TENM3: variants seen among roughly 807,000 people sequenced by gnomAD.
TENM3 encodes the protein teneurin-3.
Under a neutral mutation model 255.1 loss-of-function variants are expected in TENM3, and 63 were observed. The ratio of observed to expected loss-of-function variants is 0.25; its 90% CI spans 0.20 to 0.30. The LOEUF (loss-of-function observed/expected upper bound fraction) is 0.30, where lower values mean the gene tolerates loss of function less well. TENM3 is among the 10% of genes least tolerant of loss of function. The pLI is 1.00. For missense variants in TENM3, 2,929 were observed against 3,461.1 expected (o/e 0.85, Z 3.86); for synonymous variants, 1,306 against 1,322.3 (o/e 0.99, Z 0.27).
At chr4:181,828,468 A>G in the TENM3 span, among the ~76,000 whole-genome samples, 10 of 152,376 alleles carry the variant, frequency 6.6e-5, no homozygotes, top group African/African-American at 2.4e-4. Context: ...AGTAGCCATT[A>G]TGATTCTATT....
Position 182,437,810 on chromosome 4 carries a change from A to T in TENM3, c.511+90881A>T, listed in dbSNP as rs576421437. Among the ~76,000 whole-genome samples the T allele has an allele frequency of 1.6e-3, 207 of 131,488 alleles. 1 individual carries two copies. Among genetic ancestry groups the T allele is most frequent in the African/African-American group, 3.4e-3 (134 of 39,936 alleles). 86.3% of individuals were successfully genotyped at this position (131,488 alleles called of 152,430 possible). ...GAGACTCCGTCTAAAAAAAAAAAAA[A>T]ATATCTGGGCGGGCACCTGTAGTCC... On this transcript the variant is annotated intron_variant, in intron 3 of 27. Coordinates refer to ENST00000511685, the MANE Select transcript of TENM3 (RefSeq NM_001080477.4).
chr4:182,733,959 A>C (rs955173642), intron 16 of TENM3, among the ~76,000 whole-genome samples: 4 of 152,220 alleles, frequency 2.6e-5, no homozygotes, highest in African/African-American at 9.6e-5. Flanking sequence ...GAATACATGG[A>C]GTCTTTTCTC....
intron 3 of TENM3, among the ~76,000 whole-genome samples, chr4:182,586,243 C>T (rs76792678): frequency 5.3e-5 from 8 of 152,166 alleles, no homozygotes; most frequent in East Asian, 1.9e-4. Flanking sequence ...GGCAACACAG[C>T]AAGACCCTCT....
At chr4:182,289,463 A>G (rs1760967843) in intron 1 of TENM3, among the ~76,000 whole-genome samples, 1 of 152,236 alleles carries the variant, frequency 6.6e-6, no homozygotes, top group South Asian at 2.1e-4. Context: ...CTCTGCAGGG[A>G]CACATGTATA....
At chr4:182,303,246 G>A (rs1199377368) in intron 1 of TENM3, among the ~76,000 whole-genome samples, 1 of 152,078 alleles carries the variant, frequency 6.6e-6, no homozygotes, top group Non-Finnish European at 1.5e-5. Context: ...GAAATGAATA[G>A]CTGAAATTAT....
chr4:181,507,733 T>C, the TENM3 span, among the ~76,000 whole-genome samples: 1 of 152,234 alleles, frequency 6.6e-6, no homozygotes, highest in Admixed American at 6.5e-5. Flanking sequence ...GATGCTCAAA[T>C]CGATTGTTTT....
chr4:182,377,010 C>T (rs924168709), intron 3 of TENM3, among the ~76,000 whole-genome samples: 19 of 152,108 alleles, frequency 1.2e-4, no homozygotes, highest in Admixed American at 2.0e-4. Flanking sequence ...CGGAATACTC[C>T]AGGTTTATGT....
the TENM3 span, among the ~76,000 whole-genome samples, chr4:181,708,414 A>G: frequency 2.6e-5 from 4 of 152,192 alleles, no homozygotes; most frequent in Non-Finnish European, 5.9e-5. Context: ...TTAATGTTTT[A>G]TATTAGAACG....
chr4:181,958,648 G>A, the TENM3 span, among the ~76,000 whole-genome samples: 2 of 152,040 alleles, frequency 1.3e-5, no homozygotes, highest in Non-Finnish European at 1.5e-5. Flanking sequence ...TGTCTCCCTT[G>A]ACCTCAAGCC....
At chr4:181,951,731 C>T in the TENM3 span, among the ~76,000 whole-genome samples, 1 of 152,204 alleles carries the variant, frequency 6.6e-6, no homozygotes, top group Non-Finnish European at 1.5e-5. Context: ...GTACATTTTT[C>T]TCATCAAACT....
chr4:182,714,314 CCAAAAAA>C, intron 13 of TENM3, 81 bp downstream of exon 13: 3 of 121,836 alleles, frequency 2.5e-5, no homozygotes, highest in South Asian at 6.1e-4. Flanking sequence ...ATATCTGTTG[CCAAAAAA>C]AAAAAAAAAA....
chr4:182,262,934 C>T (rs539149303), intron 1 of TENM3, among the ~76,000 whole-genome samples: 3 of 152,118 alleles, frequency 2.0e-5, no homozygotes, highest in East Asian at 1.9e-4. Flanking sequence ...AGGATGGTCT[C>T]GATCTCCTGA....
intron 13 of TENM3, among the ~76,000 whole-genome samples, chr4:182,715,072 C>A (rs1001440313): frequency 2.6e-5 from 4 of 152,128 alleles, no homozygotes; most frequent in Admixed American, 6.5e-5. Context: ...TTAGGAGAGA[C>A]AGGGTTTCTC....
At chr4:181,742,155 A>G in the TENM3 span, among the ~76,000 whole-genome samples, 2 of 151,938 alleles carry the variant, frequency 1.3e-5, no homozygotes, top group Non-Finnish European at 2.9e-5. Context: ...GATTTATTTA[A>G]AACATTTTTT....
chr4:182,183,967 C>A (rs936789781), intron 1 of TENM3, among the ~76,000 whole-genome samples: 12 of 152,134 alleles, frequency 7.9e-5, no homozygotes, highest in South Asian at 4.1e-4. Context: ...TATAAAAAAA[C>A]CAATAGTTAT....
At chr4:181,669,090 G>A in the TENM3 span, among the ~76,000 whole-genome samples, 17,008 of 151,910 alleles carry the variant, frequency 0.11, 1,119 homozygotes, top group South Asian at 0.19. Context: ...CAGGAACAAA[G>A]ACAATATCTG....
the TENM3 span, among the ~76,000 whole-genome samples, chr4:181,788,336 A>G: frequency 6.6e-6 from 1 of 152,150 alleles, no homozygotes; most frequent in Admixed American, 6.6e-5. Context: ...TGAATGGTAG[A>G]TCTTTTATTT....
chr4:181,551,037 T>C, the TENM3 span, among the ~76,000 whole-genome samples: 3 of 152,318 alleles, frequency 2.0e-5, no homozygotes, highest in Admixed American at 2.0e-4. Context: ...ATTGATAAAG[T>C]GAAGCACCTT....
At chr4:181,552,943 CCACA>C in the TENM3 span, among the ~76,000 whole-genome samples, 642 of 152,248 alleles carry the variant, frequency 4.2e-3, 6 homozygotes, top group African/African-American at 0.015. Context: ...CACGCACGCA[CCACA>C]CACACACCAC....
Sources: gnomAD v4.1 joint callset for allele counts (sites outside exome capture counted in the v4.1 genomes callset) on GRCh38, gnomAD v4.1.1 for gene constraint, MANE v1.5 for transcripts, NCBI Gene and HGNC (gene_info 2026-07-23, HGNC 2026-07-21) for gene names.